SLC2A13: variants seen among roughly 807,000 people sequenced by gnomAD.
The protein encoded by SLC2A13 is proton myo-inositol cotransporter.
SLC2A13 carries 32 observed loss-of-function variants against 64.4 expected under a neutral mutation model. The ratio of observed to expected loss-of-function variants is 0.50; its 90% CI spans 0.37 to 0.67. The LOEUF (loss-of-function observed/expected upper bound fraction) is 0.67, where lower values mean the gene tolerates loss of function less well. SLC2A13 is among the 30% of genes least tolerant of loss of function. SLC2A13 has a pLI of 0.00. For synonymous variants in SLC2A13, 338 were observed against 327.1 expected, an observed-to-expected ratio of 1.03 and a Z score of -0.36; for missense variants, 743 against 829.2, an observed-to-expected ratio of 0.90 and a Z score of 1.28.
chr12:39,870,379 T>C (rs750351275), intron 5 of SLC2A13, among the ~76,000 whole-genome samples: 9 of 152,236 alleles, frequency 5.9e-5, no homozygotes, highest in Non-Finnish European at 8.8e-5. Flanking sequence ...CACTGCCTGA[T>C]AGTAATCTAT....
chr12:39,911,504 T>C (rs7137897), intron 4 of SLC2A13, among the ~76,000 whole-genome samples: 150,739 of 152,170 alleles, frequency 0.99, 74,692 homozygotes, highest in Middle Eastern at 1. Flanking sequence ...AAAAAAAGTG[T>C]CGGGGAATCA....
intron 4 of SLC2A13, chr12:39,950,816 G>C (rs535652436): frequency 6.2e-6 from 1 of 160,952 alleles, no homozygotes; most frequent in Non-Finnish European, 1.3e-5. Flanking sequence ...TATAATAAAC[G>C]TACTTCTACT....
At chr12:39,845,686 T>G (rs932155963) in intron 6 of SLC2A13, among the ~76,000 whole-genome samples, 1 of 152,152 alleles carries the variant, frequency 6.6e-6, no homozygotes, top group Non-Finnish European at 1.5e-5. Flanking sequence ...TCCCCCTAGA[T>G]AGCATCATGT....
intron 1 of SLC2A13, among the ~76,000 whole-genome samples, chr12:40,078,236 AG>A (rs1292227946): frequency 1.3e-5 from 2 of 152,156 alleles, no homozygotes; most frequent in African/African-American, 4.8e-5. Context: ...CTGGTTCTCA[AG>A]GAAAATGATT....
chr12:40,078,910 T>C (rs183761975), intron 1 of SLC2A13, among the ~76,000 whole-genome samples: 1 of 152,272 alleles, frequency 6.6e-6, no homozygotes, highest in East Asian at 1.9e-4. Flanking sequence ...GTTTTCTAGT[T>C]GGTGTGCATA....
In SLC2A13 at chr12:40,055,996, AAAAAC is replaced by A. The variant is rs1414833053; in HGVS notation, c.557-7791_557-7787del. On this transcript the variant is annotated intron_variant, in intron 1 of 9. Coordinates refer to ENST00000280871, the MANE Select transcript of SLC2A13 (RefSeq NM_052885.4). ...ACAGGCCAAAAAAAACAAACAAAAA[AAAAAC>A]AAAACAAACAACAAAAAAAAACACC... 4.7e-3 allele frequency among the ~76,000 whole-genome samples: 707 copies of A among 151,944 alleles called. 4 individuals are homozygous for A. The highest frequency in any genetic ancestry group is 0.016 in the African/African-American group (669 of 41,472).
chr12:39,815,833 A>G (rs1942323951), intron 7 of SLC2A13, among the ~76,000 whole-genome samples: 1 of 152,240 alleles, frequency 6.6e-6, no homozygotes, highest in African/African-American at 2.4e-5. Flanking sequence ...ACAGTACAAC[A>G]TTCTATAAAA....
rs1169736358 is a variant in SLC2A13 at position 39,832,247 on chromosome 12, G to A, written c.1320-2019C>T. ...AACCAGACTAGGCTAATTTGGAAAG[G>A]AGATAATTTCTACTAGTATTTTGTT... On this transcript the variant is annotated intron_variant, in intron 6 of 9. Transcript: ENST00000280871. 2.0e-5 allele frequency among the ~76,000 whole-genome samples: 3 copies of A among 152,080 alleles called. No individual in the cohort carries two copies. The East Asian group carries it at 5.8e-4, about 29-fold the overall frequency.
chr12:39,788,264 T>A (rs1464867992), intron 7 of SLC2A13, among the ~76,000 whole-genome samples: 2 of 152,102 alleles, frequency 1.3e-5, no homozygotes, highest in African/African-American at 2.4e-5. Context: ...CAATAATAAC[T>A]AATAATAAAA....
intron 4 of SLC2A13, among the ~76,000 whole-genome samples, chr12:39,926,678 C>G (rs1945736029): frequency 6.6e-6 from 1 of 152,094 alleles, no homozygotes; most frequent in Non-Finnish European, 1.5e-5. Context: ...TGCTGTGGCC[C>G]AATCATAGCT....
chr12:40,090,176 G>C (rs1442824082), intron 1 of SLC2A13, among the ~76,000 whole-genome samples: 1 of 152,102 alleles, frequency 6.6e-6, no homozygotes, highest in Non-Finnish European at 1.5e-5. Context: ...AAAAACAAAA[G>C]AGATTAGTTT....
chr12:39,903,762 T>C (rs1318195871), intron 4 of SLC2A13, among the ~76,000 whole-genome samples: 1 of 152,092 alleles, frequency 6.6e-6, no homozygotes, highest in Non-Finnish European at 1.5e-5. Flanking sequence ...GCTCTATTCC[T>C]AGATTGTTCA....
chr12:39,950,935 T>C, intron 4 of SLC2A13: 1 of 342,012 alleles, frequency 2.9e-6, no homozygotes. Flanking sequence ...TCTATTTTGC[T>C]TTCCAACCAG....
chr12:40,057,156 T>C (rs963548992), intron 1 of SLC2A13, among the ~76,000 whole-genome samples: 2 of 152,122 alleles, frequency 1.3e-5, no homozygotes, highest in Admixed American at 1.3e-4. Context: ...GTAAACCCCA[T>C]ACTGGACACA....
At chr12:39,977,588 G>A (rs1281398386) in intron 3 of SLC2A13, among the ~76,000 whole-genome samples, 1 of 152,178 alleles carries the variant, frequency 6.6e-6, no homozygotes, top group Non-Finnish European at 1.5e-5. Flanking sequence ...TCTTGGGAGG[G>A]AGGTTACAAA....
intron 6 of SLC2A13, among the ~76,000 whole-genome samples, chr12:39,838,297 C>A (rs1352307464): frequency 7.2e-6 from 1 of 139,650 alleles, no homozygotes; most frequent in African/African-American, 2.7e-5. Context: ...ACAATGAGAT[C>A]ACATGGACAC....
At chr12:39,909,502 A>G (rs576526737) in intron 4 of SLC2A13, among the ~76,000 whole-genome samples, 1 of 152,258 alleles carries the variant, frequency 6.6e-6, no homozygotes, top group African/African-American at 2.4e-5. Flanking sequence ...TTGCCATAGT[A>G]TTTCAGAACA....
intron 4 of SLC2A13, among the ~76,000 whole-genome samples, chr12:39,918,316 G>T (rs920849738): frequency 6.6e-6 from 1 of 151,662 alleles, no homozygotes; most frequent in Admixed American, 6.6e-5. Context: ...TTTTTGGGGG[G>T]TGGTGAACTA....
rs554785550 is a variant in SLC2A13 at position 40,077,009 on chromosome 12, A to G, written c.556+28244T>C. Among the ~76,000 whole-genome samples, 5 of 151,686 alleles carry G rather than the reference A, an allele frequency of 3.3e-5. No homozygotes were observed. In the South Asian group the frequency reaches 1.0e-3, roughly 32 times the overall value. On this transcript the variant is annotated intron_variant, in intron 1 of 9. Transcript: ENST00000280871. ...GCCCATTTTTTACTGGGGCTGTTTG[A>G]TTTTTGCTTGTTGATTTAAGTTCCT...
Sources: gnomAD v4.1 joint callset for allele counts (sites outside exome capture counted in the v4.1 genomes callset) on GRCh38, gnomAD v4.1.1 for gene constraint, MANE v1.5 for transcripts, NCBI Gene and HGNC (gene_info 2026-07-23, HGNC 2026-07-21) for gene names.